The following CNTN3 variants were observed in gnomAD, a reference collection of about 807,000 sequenced individuals.
CNTN3 encodes contactin 3.
In CNTN3, 60 loss-of-function variants were observed where a neutral mutation model predicts 119.1. The ratio of observed to expected loss-of-function variants is 0.50; its 90% CI spans 0.41 to 0.62. The LOEUF is 0.62. Ranked by LOEUF, CNTN3 falls within the 20% of genes least tolerant of loss-of-function variation. The probability of loss-of-function intolerance (pLI) is 0.00; values close to 1 mark genes in which losing one functional copy is unlikely to be tolerated. For synonymous variants in CNTN3, 450 were observed against 438.7 expected (o/e 1.03, Z -0.32); for missense variants, 1,101 against 1,242.4 (o/e 0.89, Z 1.71).
At chr3:74,554,895 AC>A (rs754892107) in intron 1 of CNTN3, among the ~76,000 whole-genome samples, 1 of 152,130 alleles carries the variant, frequency 6.6e-6, no homozygotes, top group African/African-American at 2.4e-5. Context: ...CTATCTGAAT[AC>A]CCTTTATTGC....
rs112256001 is a variant in CNTN3 at position 74,357,215 on chromosome 3, C to A, written c.1364+4675G>T. Among the ~76,000 whole-genome samples, 8 of 151,142 alleles carry A rather than the reference C, an allele frequency of 5.3e-5. No homozygotes were observed. In the East Asian group the frequency reaches 1.4e-3, roughly 26 times the overall value. Reference sequence around the variant, plus strand: ...TGCTGGGATTACAGGTGTGAGCCACCGTGCCTGGCCGATTATTCAAATCTA... The same window carrying A: ...TGCTGGGATTACAGGTGTGAGCCACAGTGCCTGGCCGATTATTCAAATCTA... On this transcript the variant is annotated intron_variant, in intron 11 of 22. Transcript: ENST00000263665.
Position 74,483,396 on chromosome 3 carries a change from G to A in CNTN3, c.358+3060C>T, listed in dbSNP as rs531345585. On this transcript the variant is annotated intron_variant, in intron 4 of 22. Transcript: ENST00000263665. ...AAAGAAAATGAATAATTTCTATTGG[G>A]AGAGGCAATCTTCCACGTGCTCTGG... Among the ~76,000 whole-genome samples, 3 of 152,190 alleles carry A rather than the reference G, an allele frequency of 2.0e-5. No homozygotes were observed. The East Asian group carries it at 5.8e-4, about 29-fold the overall frequency.
chr3:74,292,287 A>C (rs73841820), intron 19 of CNTN3, among the ~76,000 whole-genome samples: 1,539 of 152,362 alleles, frequency 0.01, 30 homozygotes, highest in African/African-American at 0.035. Flanking sequence ...GAAACTGGCC[A>C]GGTGCAGTGG....
chr3:74,465,557 G>A (rs1559617272), intron 4 of CNTN3, among the ~76,000 whole-genome samples: 1 of 152,146 alleles, frequency 6.6e-6, no homozygotes, highest in Non-Finnish European at 1.5e-5. Context: ...GATAAATTGA[G>A]GATTGTTTCC....
intron 13 of CNTN3, among the ~76,000 whole-genome samples, chr3:74,322,311 G>T (rs543035811): frequency 6.6e-6 from 1 of 151,798 alleles, no homozygotes. Context: ...ATACAAAAAT[G>T]AACACCCTGA....
At chr3:74,420,075 C>T (rs1202273967) in intron 5 of CNTN3, among the ~76,000 whole-genome samples, 1 of 152,120 alleles carries the variant, frequency 6.6e-6, no homozygotes, top group Non-Finnish European at 1.5e-5. Context: ...ATTCCTCTTG[C>T]TTCATAGAGG....
intron 5 of CNTN3, among the ~76,000 whole-genome samples, chr3:74,389,509 TA>T (rs376094696): frequency 6.1e-4 from 93 of 152,326 alleles, no homozygotes; most frequent in African/African-American, 2.1e-3. Flanking sequence ...GTTGTAATAA[TA>T]ACTATACTAA....
At chr3:74,491,744 C>T (rs1415014189) in intron 3 of CNTN3, among the ~76,000 whole-genome samples, 1 of 152,100 alleles carries the variant, frequency 6.6e-6, no homozygotes, top group Non-Finnish European at 1.5e-5. Context: ...TAAACATTGC[C>T]TTTTGGTTCT....
intron 1 of CNTN3, among the ~76,000 whole-genome samples, chr3:74,575,606 A>AACAC (rs71129762): frequency 0.14 from 18,288 of 135,010 alleles, 1,366 homozygotes; most frequent in East Asian, 0.31. Context: ...AGTCTCTCCC[A>AACAC]ACACACACAC....
chr3:74,299,606 C>T (rs1466428313), intron 17 of CNTN3, among the ~76,000 whole-genome samples: 1 of 152,150 alleles, frequency 6.6e-6, no homozygotes, highest in African/African-American at 2.4e-5. Context: ...GAGGAAAATA[C>T]ATGCTAAATG....
chr3:74,302,595 G>A (rs372979326), intron 14 of CNTN3, 95 bp downstream of exon 14: 8 of 724,080 alleles, frequency 1.1e-5, no homozygotes, highest in South Asian at 9.1e-5. Flanking sequence ...ATTATAACTC[G>A]TATGCTCACA....
Position 74,301,508 on chromosome 3 carries a change from A to G in CNTN3, c.1985T>C (p.Val662Ala), listed in dbSNP as rs147790729. Residue 662 changes from valine to alanine, a missense_variant, in exon 16 of 23, where the codon GTA becomes GCA. Transcript: ENST00000263665. Reference sequence around the variant, plus strand: ...TTCCACCCATGGGTTTAACTCAACTACAGTGGCTGTGTGCGTCTTCCCATC... The same window carrying G: ...TTCCACCCATGGGTTTAACTCAACTGCAGTGGCTGTGTGCGTCTTCCCATC... ...VIDGKTHTAT[V>A]VELNPWVEYE... 1.6e-5 allele frequency: 26 copies of G among 1,614,158 alleles called. No individual in the cohort carries two copies. In the African/African-American group the frequency reaches 2.7e-4, roughly 17 times the overall value.
intron 1 of CNTN3, among the ~76,000 whole-genome samples, chr3:74,597,904 T>C (rs1704839181): frequency 6.6e-6 from 1 of 152,040 alleles, no homozygotes; most frequent in South Asian, 2.1e-4. Context: ...TTTCAGTAAA[T>C]CAAAAGACAT....
intron 5 of CNTN3, among the ~76,000 whole-genome samples, chr3:74,397,511 TCTCTC>T (rs1705086211): frequency 0.01 from 1 of 100 alleles, no homozygotes; most frequent in Admixed American, 0.083. Flanking sequence ...ACTGGTGTTC[TCTCTC>T]TCTCTCTCTC....
At chr3:74,540,645 C>T (rs7618825) in intron 1 of CNTN3, among the ~76,000 whole-genome samples, 150,656 of 152,262 alleles carry the variant, frequency 0.99, 74,544 homozygotes, top group Middle Eastern at 1. Context: ...AATTTGCACA[C>T]GGCTAAGTGA....
intron 22 of CNTN3, among the ~76,000 whole-genome samples, chr3:74,264,805 C>T (rs1559669927): frequency 6.6e-6 from 1 of 152,086 alleles, no homozygotes; most frequent in Non-Finnish European, 1.5e-5. Flanking sequence ...AAAGGCAATA[C>T]CTCTCCTATC....
chr3:74,466,023 G>T (rs1458048116), intron 4 of CNTN3, among the ~76,000 whole-genome samples: 1 of 152,168 alleles, frequency 6.6e-6, no homozygotes, highest in Non-Finnish European at 1.5e-5. Flanking sequence ...AGCTGCAGAT[G>T]CCAAAAATTC....
intron 1 of CNTN3, among the ~76,000 whole-genome samples, chr3:74,541,136 G>GT (rs1703837354): frequency 6.6e-6 from 1 of 152,120 alleles, no homozygotes; most frequent in South Asian, 2.1e-4. Context: ...CTGTAGGAGT[G>GT]TAAGTCCATA....
In CNTN3 at chr3:74,481,332, A is replaced by G. The variant is rs559313981; in HGVS notation, c.358+5124T>C. On this transcript the variant is annotated intron_variant, in intron 4 of 22. Transcript: ENST00000263665. The stretch of plus-strand genomic sequence containing the variant: ...TTTAAGGACATATGAATCATTTATT[A>G]AAAAAACTAATCATATGTTGGGCCA... 1.2e-3 allele frequency among the ~76,000 whole-genome samples: 182 copies of G among 151,990 alleles called. 1 individual carries two copies. Among genetic ancestry groups the G allele is most frequent in the African/African-American group, 4.2e-3 (173 of 41,542 alleles).
Sources: gnomAD v4.1 joint callset for allele counts (sites outside exome capture counted in the v4.1 genomes callset) on GRCh38, gnomAD v4.1.1 for gene constraint, MANE v1.5 for transcripts, NCBI Gene and HGNC (gene_info 2026-07-23, HGNC 2026-07-21) for gene names.